CLEC4A: variants seen among roughly 807,000 people sequenced by gnomAD.
CLEC4A encodes the protein C-type (calcium dependent, carbohydrate-recognition domain) lectin, superfamily member 6.
Under a neutral mutation model 32.7 loss-of-function variants are expected in CLEC4A, and 27 were observed. The observed-to-expected ratio is 0.83, with a 90% CI of 0.61 to 1.14. CLEC4A has a LOEUF of 1.14. CLEC4A is among the 50% of genes most tolerant of loss of function. CLEC4A has a pLI of 0.00. For missense variants in CLEC4A, 253 were observed against 274.6 expected, an observed-to-expected ratio of 0.92 and a Z score of 0.55; for synonymous variants, 89 against 93.7, an observed-to-expected ratio of 0.95 and a Z score of 0.29.
chr12:8,111,999 G>C, the CLEC4A span, among the ~76,000 whole-genome samples: 1 of 149,732 alleles, frequency 6.7e-6, no homozygotes, highest in African/African-American at 2.5e-5. Flanking sequence ...ACAGAGCTTT[G>C]CTCTTGTTGC....
At position 8,136,857 on chromosome 12, in the gene CLEC4A, C is replaced by T. The variant is rs764432384; in HGVS notation, c.520C>T (p.Arg174Ter). The T allele has an allele frequency of 4.6e-5, 75 of 1,613,476 alleles. No homozygotes were observed. The Middle Eastern group carries it at 6.6e-4, about 14-fold the overall frequency. ...FVGLSDPEGQRHWQWVDQTPY... is the reference protein window; with the variant it reads ...FVGLSDPEGQ ...GGGGCTCTCAGATCCAGAAGGTCAG[C>T]GACATTGGCAATGGGTTGATCAGAC... The change falls in exon 5 of 6, where the codon CGA (arginine) becomes TGA (stop). Residue 174 changes from arginine to a stop codon, truncating the protein, a stop_gained. Coordinates refer to ENST00000229332, the MANE Select transcript of CLEC4A (RefSeq NM_016184.4). LOFTEE classifies it high-confidence loss of function.
In CLEC4A at chr12:8,138,272, G is replaced by A; in HGVS notation, c.699G>A (p.Met233Ile). ...CTCAAAGGTCAGTTTGTGAGATGATGAAGATCCACTTATGAACTGAACATT... is the reference window on the plus strand; with the variant it reads ...CTCAAAGGTCAGTTTGTGAGATGATAAAGATCCACTTATGAACTGAACATT... The part of the protein sequence containing the change: ...LGPQRSVCEM[M>I]KIHL Residue 233 changes from methionine to isoleucine, a missense_variant, in exon 6 of 6, where the codon ATG becomes ATA. Transcript: ENST00000229332. 1 of 1,614,172 alleles carries A rather than the reference G, an allele frequency of 6.2e-7. No homozygotes were observed. The highest frequency in any genetic ancestry group is 1.1e-5 in the South Asian group (1 of 91,074).
chr12:8,130,523 T>A (rs1947979960), intron 3 of CLEC4A, among the ~76,000 whole-genome samples: 1 of 151,918 alleles, frequency 6.6e-6, no homozygotes, highest in Admixed American at 6.6e-5. Flanking sequence ...AGGTGCCCAC[T>A]ACCACACTTG....
intron 2 of CLEC4A, among the ~76,000 whole-genome samples, chr12:8,128,403 G>A (rs976752307): frequency 7.7e-6 from 1 of 130,188 alleles, no homozygotes; most frequent in East Asian, 2.4e-4. Context: ...AAGACAAAAA[G>A]TTCAATTTCT....
the CLEC4A span, among the ~76,000 whole-genome samples, chr12:8,107,961 C>T: frequency 6.6e-6 from 1 of 151,984 alleles, no homozygotes. Context: ...TTCTCTAGTT[C>T]CTCTAGGAGT....
At chr12:8,106,481 G>A in the CLEC4A span, among the ~76,000 whole-genome samples, 5 of 152,308 alleles carry the variant, frequency 3.3e-5, no homozygotes, top group Admixed American at 6.5e-5. Context: ...GCTTTGGGCA[G>A]TATGGCCATT....
At chr12:8,114,307 T>C in the CLEC4A span, among the ~76,000 whole-genome samples, 42 of 148,140 alleles carry the variant, frequency 2.8e-4, no homozygotes, top group East Asian at 3.9e-4. Context: ...TGCAGTGGCG[T>C]GATCTCGGCT....
At chr12:8,114,595 C>A in the CLEC4A span, among the ~76,000 whole-genome samples, 9 of 152,204 alleles carry the variant, frequency 5.9e-5, no homozygotes, top group Non-Finnish European at 1.5e-5. Context: ...CTTGTACTTT[C>A]CTACGAATTT....
the CLEC4A span, among the ~76,000 whole-genome samples, chr12:8,117,334 G>A: frequency 3.5e-4 from 53 of 151,974 alleles, no homozygotes; most frequent in Admixed American, 1.4e-3. Flanking sequence ...TGCCTCCTGG[G>A]TTCAAGTGAT....
intron 5 of CLEC4A, among the ~76,000 whole-genome samples, chr12:8,137,126 G>A (rs1175400890): frequency 6.6e-6 from 1 of 152,158 alleles, no homozygotes; most frequent in African/African-American, 2.4e-5. Context: ...CTTGGAGAGT[G>A]TAGATAATTC....
At chr12:8,108,134 A>G in the CLEC4A span, among the ~76,000 whole-genome samples, 2 of 152,036 alleles carry the variant, frequency 1.3e-5, no homozygotes, top group Non-Finnish European at 1.5e-5. Context: ...CCTTAATTTT[A>G]TTGTTTACCC....
In CLEC4A at chr12:8,138,224, G is replaced by A. The variant is rs1489619432; in HGVS notation, c.651G>A (p.Trp217Ter). 1 of 1,614,148 alleles carries A rather than the reference G, an allele frequency of 6.2e-7. No homozygotes were observed. Among genetic ancestry groups the A allele is most frequent in the Non-Finnish European group, 8.5e-7 (1 of 1,180,028 alleles). The stretch of plus-strand genomic sequence containing the variant: ...GTAAATCACCCAAAAGATGGGGCTG[G>A]AATGATGTTAATTGTCTTGGTCCTC... ...NFRKSPKRWG[W>*]NDVNCLGPQR... Residue 217 changes from tryptophan to a stop codon, truncating the protein, a stop_gained, in exon 6 of 6, where the codon TGG becomes TGA. Transcript: ENST00000229332. LOFTEE classifies it high-confidence loss of function.
intron 3 of CLEC4A, among the ~76,000 whole-genome samples, chr12:8,130,063 T>C (rs1380626457): frequency 6.6e-6 from 1 of 152,206 alleles, no homozygotes; most frequent in Non-Finnish European, 1.5e-5. Flanking sequence ...CTTGAACTCC[T>C]AAGCTTAAGT....
In CLEC4A at chr12:8,123,887, G is replaced by C. The variant is rs184359922; in HGVS notation, c.9G>C (p.Ser3=). The change falls in exon 1 of 6, where the codon TCG becomes TCC. Residue 3 remains serine, a synonymous_variant. Transcript: ENST00000229332. ...GAAGCTCTCTTCCCATTATGACTTC[G>C]GAAATCACTTATGCTGAAGTGAGGT... MT[S]EITYAEVRFK... The C allele has an allele frequency of 6.2e-7, 1 of 1,610,308 alleles. No individual in the cohort carries two copies. The highest frequency in any genetic ancestry group is 8.5e-7 in the Non-Finnish European group (1 of 1,176,696).
chr12:8,122,741 T>C (rs947663445), upstream of CLEC4A, among the ~76,000 whole-genome samples: 2 of 152,062 alleles, frequency 1.3e-5, no homozygotes, highest in African/African-American at 4.8e-5. Flanking sequence ...TAGATTGGAA[T>C]TAGAGGAATT....
At chr12:8,134,684 C>A in intron 3 of CLEC4A, 11 of 1,578,336 alleles carry the variant, frequency 7.0e-6, no homozygotes, top group Non-Finnish European at 9.5e-6. Context: ...TCCCCCACTC[C>A]TCAGAGCCTG....
At chr12:8,108,324 T>C in the CLEC4A span, among the ~76,000 whole-genome samples, 2 of 152,216 alleles carry the variant, frequency 1.3e-5, no homozygotes, top group African/African-American at 4.8e-5. Context: ...CCAGGTACCA[T>C]GTAGTAGAGT....
Position 8,138,331 on chromosome 12 carries a change from A to G in CLEC4A, c.*44A>G, listed in dbSNP as rs200379512. On this transcript the variant is annotated 3_prime_UTR_variant, in exon 6 of 6. Coordinates refer to ENST00000229332, the MANE Select transcript of CLEC4A (RefSeq NM_016184.4). ...ACAGGTGGTTGGATTGGTATCTGTC[A>G]TTGTAGGGATAGATAATAAGCTCTT... 13 of 1,604,458 alleles carry G rather than the reference A, an allele frequency of 8.1e-6. No homozygotes were observed. In the African/African-American group the frequency reaches 1.7e-4, roughly 21 times the overall value.
the CLEC4A span, among the ~76,000 whole-genome samples, chr12:8,111,961 G>GTATA: frequency 6.9e-6 from 1 of 144,782 alleles, no homozygotes; most frequent in African/African-American, 2.7e-5. Context: ...GTGTGTGTGT[G>GTATA]TGTATTTTAT....
Sources: allele counts gnomAD v4.1 joint callset (sites outside exome capture counted in the v4.1 genomes callset), GRCh38; gene constraint gnomAD v4.1.1; transcripts MANE v1.5; gene names NCBI Gene and HGNC (gene_info 2026-07-23, HGNC 2026-07-21).